The following PDE3A variants were observed in gnomAD, a reference collection of about 807,000 sequenced individuals.
PDE3A encodes the protein cGMP-inhibited 3',5'-cyclic phosphodiesterase 3A.
PDE3A carries 43 observed loss-of-function variants against 98.3 expected under a neutral mutation model. That is an observed-to-expected ratio of 0.44 (90% CI 0.34 to 0.56). The LOEUF (loss-of-function observed/expected upper bound fraction) is 0.56. PDE3A is among the 20% of genes least tolerant of loss of function. The pLI is 0.01. For synonymous variants in PDE3A, 663 were observed against 567.9 expected, an observed-to-expected ratio of 1.17 and a Z score of -2.38; for missense variants, 1,427 against 1,440.7, an observed-to-expected ratio of 0.99 and a Z score of 0.15.
rs1944568735 is a variant in PDE3A, at chr12:20,424,263, A to AT, written c.960+54019_960+54020insT. Among the ~76,000 whole-genome samples the AT allele has an allele frequency of 4.6e-5, 7 of 152,326 alleles. No homozygotes were observed. In the South Asian group the frequency reaches 1.4e-3, roughly 32 times the overall value. ...AGTTGTGAGTTGAAAAGGAAAAAGT[A>AT]GTGATTAATGGAGACATGAGCTAGG... On this transcript the variant is annotated intron_variant, in intron 1 of 15. Coordinates refer to ENST00000359062, the MANE Select transcript of PDE3A (RefSeq NM_000921.5).
At chr12:20,405,258 T>C (rs1275694274) in intron 1 of PDE3A, among the ~76,000 whole-genome samples, 2 of 152,128 alleles carry the variant, frequency 1.3e-5, no homozygotes, top group African/African-American at 4.8e-5. Context: ...AACCCAGGCC[T>C]CTTATGGTTT....
At chr12:20,494,585 C>A (rs1016563774) in intron 1 of PDE3A, among the ~76,000 whole-genome samples, 3 of 151,744 alleles carry the variant, frequency 2.0e-5, no homozygotes, top group African/African-American at 4.8e-5. Flanking sequence ...ATAGTTTTGT[C>A]CTCAAACTTA....
chr12:20,519,927 A>G (rs1038033071), intron 1 of PDE3A, among the ~76,000 whole-genome samples: 2 of 152,156 alleles, frequency 1.3e-5, no homozygotes, highest in Non-Finnish European at 2.9e-5. Context: ...ATCATCTCAC[A>G]TCGGTTTTCT....
intron 1 of PDE3A, among the ~76,000 whole-genome samples, chr12:20,546,374 CAA>C (rs546594865): frequency 6.9e-6 from 1 of 144,016 alleles, no homozygotes. Flanking sequence ...AAAGGACCAC[CAA>C]AAAAAAAAAA....
At chr12:20,568,090 AAGTACATCACCAACATCATAACTTTATAG>A in intron 2 of PDE3A, among the ~76,000 whole-genome samples, 1 of 152,004 alleles carries the variant, frequency 6.6e-6, no homozygotes, top group Non-Finnish European at 1.5e-5. Context: ...TTATAGGTTT[AAGTACATCACCAACATCATAACTTTATAG>A]AGATATTGCA....
At chr12:20,421,608 A>ACC (rs1591913999) in intron 1 of PDE3A, among the ~76,000 whole-genome samples, 1 of 151,264 alleles carries the variant, frequency 6.6e-6, no homozygotes, top group East Asian at 1.9e-4. Context: ...TAAAAAAAAA[A>ACC]AAAAAAACCA....
chr12:20,636,429 T>A (rs571675731), intron 8 of PDE3A, among the ~76,000 whole-genome samples: 2 of 152,182 alleles, frequency 1.3e-5, no homozygotes, highest in Admixed American at 6.5e-5. Flanking sequence ...CTCTTTCTTC[T>A]TTTTTGGCAA....
chr12:20,393,585 C>T (rs2058572534), intron 1 of PDE3A, among the ~76,000 whole-genome samples: 1 of 151,940 alleles, frequency 6.6e-6, no homozygotes, highest in Admixed American at 6.6e-5. Context: ...ACATTGTATA[C>T]ATATATCCAA....
chr12:20,426,474 G>T (rs1029056426), intron 1 of PDE3A, among the ~76,000 whole-genome samples: 2 of 152,124 alleles, frequency 1.3e-5, no homozygotes, highest in African/African-American at 4.8e-5. Context: ...CACACTGGCC[G>T]CATCACGGCT....
At chr12:20,589,230 A>T (rs1356182865) in intron 2 of PDE3A, among the ~76,000 whole-genome samples, 1 of 151,992 alleles carries the variant, frequency 6.6e-6, no homozygotes, top group Non-Finnish European at 1.5e-5. Context: ...GGCCTCAAGT[A>T]TGTTCTTTTT....
chr12:20,676,720 C>T (rs1259819885), intron 15 of PDE3A, among the ~76,000 whole-genome samples: 1 of 152,020 alleles, frequency 6.6e-6, no homozygotes, highest in Non-Finnish European at 1.5e-5. Context: ...AGGATTGTCT[C>T]GATCTCCTGA....
At chr12:20,557,939 G>C (rs531935452) in intron 2 of PDE3A, among the ~76,000 whole-genome samples, 2 of 152,072 alleles carry the variant, frequency 1.3e-5, no homozygotes, top group East Asian at 3.9e-4. Context: ...AATTAACATA[G>C]AGTAAATTCT....
rs118155811 is a variant in PDE3A at position 20,637,851 on chromosome 12, A to G, written c.2139+614A>G. ...GAAGAAAGAAAACATGTAGAAATTAAGAATTTGAAAATGTTTGTTTTAAAC... is the reference window on the plus strand; with the variant it reads ...GAAGAAAGAAAACATGTAGAAATTAGGAATTTGAAAATGTTTGTTTTAAAC... On this transcript the variant is annotated intron_variant, in intron 9 of 15. Transcript: ENST00000359062. Among the ~76,000 whole-genome samples, 598 of 152,300 alleles carry G rather than the reference A, an allele frequency of 3.9e-3. 1 individual carries two copies. Among genetic ancestry groups the G allele is most frequent in the Non-Finnish European group, 7.3e-3 (498 of 68,004 alleles).
intron 2 of PDE3A, among the ~76,000 whole-genome samples, chr12:20,585,274 C>T (rs1252451724): frequency 6.6e-6 from 1 of 152,158 alleles, no homozygotes; most frequent in Non-Finnish European, 1.5e-5. Context: ...TGTTAGAGAT[C>T]CAGATGAAGT....
chr12:20,546,509 C>T (rs571901221), intron 1 of PDE3A, among the ~76,000 whole-genome samples: 2 of 152,146 alleles, frequency 1.3e-5, no homozygotes, highest in African/African-American at 4.8e-5. Context: ...AGTTCAGGCT[C>T]ATCTTCTCAC....
intron 15 of PDE3A, among the ~76,000 whole-genome samples, chr12:20,674,623 T>C (rs963939685): frequency 6.6e-6 from 1 of 152,186 alleles, no homozygotes; most frequent in Non-Finnish European, 1.5e-5. Flanking sequence ...GCTGATTTAA[T>C]CTGATTACTT....
intron 1 of PDE3A, among the ~76,000 whole-genome samples, chr12:20,470,752 G>A (rs1445942365): frequency 6.6e-6 from 1 of 152,086 alleles, no homozygotes; most frequent in Non-Finnish European, 1.5e-5. Context: ...GTGCAATGCT[G>A]TGGGTTGCAT....
chr12:20,656,290 T>C (rs556882213), intron 15 of PDE3A, among the ~76,000 whole-genome samples: 23 of 152,290 alleles, frequency 1.5e-4, no homozygotes, highest in African/African-American at 5.3e-4. Context: ...TGTAAGGAGA[T>C]TAACCTTCTA....
intron 6 of PDE3A, among the ~76,000 whole-genome samples, chr12:20,632,947 G>T: frequency 8.6e-6 from 1 of 116,188 alleles, no homozygotes; most frequent in Non-Finnish European, 1.7e-5. Flanking sequence ...CTAATAATGA[G>T]GCTTTTTTTT....
Sources: allele counts gnomAD v4.1 joint callset (sites outside exome capture counted in the v4.1 genomes callset), GRCh38; gene constraint gnomAD v4.1.1; transcripts MANE v1.5; gene names NCBI Gene and HGNC (gene_info 2026-07-23, HGNC 2026-07-21).